WDTC1: variants seen among roughly 807,000 people sequenced by gnomAD.
The protein encoded by WDTC1 is WD and tetratricopeptide repeats 1.
A neutral mutation model predicts 76.0 loss-of-function variants in WDTC1; 12 were observed. The ratio of observed to expected loss-of-function variants is 0.16; its 90% confidence interval spans 0.10 to 0.26. The LOEUF is 0.26. Ranked by LOEUF, WDTC1 falls within the 10% of genes least tolerant of loss-of-function variation. The pLI is 1.00. For synonymous variants in WDTC1, 326 were observed against 350.8 expected (o/e 0.93, Z 0.79); for missense variants, 511 against 908.8 (o/e 0.56, Z 5.63).
intron 3 of WDTC1, among the ~76,000 whole-genome samples, chr1:27,268,165 G>A (rs1199783147): frequency 6.6e-6 from 1 of 152,086 alleles, no homozygotes; most frequent in Admixed American, 6.6e-5. Context: ...CACAGGCGAG[G>A]CATGGTGGCT....
chr1:27,294,554 G>A lies in WDTC1; in HGVS notation c.798G>A (p.Leu266=), dbSNP rs935330392. The change falls in exon 9 of 16, where the codon TTG becomes TTA. Residue 266 remains leucine, a synonymous_variant. Coordinates refer to ENST00000319394, the MANE Select transcript of WDTC1 (RefSeq NM_001276252.2). ...AGCTTCCTGACTACAACAACCGTTTGAGAGTGCTGGTTGCCACCTATGTGA... is the reference window on the plus strand; with the variant it reads ...AGCTTCCTGACTACAACAACCGTTTAAGAGTGCTGGTTGCCACCTATGTGA... The part of the protein sequence containing the change: ...PVKLPDYNNR[L]RVLVATYVTF... 5.6e-6 allele frequency: 9 copies of A among 1,614,086 alleles called. No individual in the cohort carries two copies. The highest frequency in any genetic ancestry group is 1.7e-5 in the Admixed American group (1 of 60,018).
At position 27,294,130 on chromosome 1, in the gene WDTC1, C is replaced by T. The variant is rs1216104923; in HGVS notation, c.757+14C>T. The stretch of plus-strand genomic sequence containing the variant: ...ATTACGTAGCAGGTAGCGCTCAGCA[C>T]AGCTCTGGCCCCAAACTCTCGGCTA... On this transcript the variant is annotated intron_variant, in intron 8 of 15. Coordinates refer to ENST00000319394, the MANE Select transcript of WDTC1 (RefSeq NM_001276252.2). 4.3e-6 allele frequency: 7 copies of T among 1,611,518 alleles called. No individual in the cohort carries two copies. In the South Asian group the frequency reaches 5.5e-5, roughly 13 times the overall value.
At position 27,282,475 on chromosome 1, in the gene WDTC1, T is replaced by C. The variant is rs184805379; in HGVS notation, c.179+190T>C. Among the ~76,000 whole-genome samples the C allele has an allele frequency of 1.6e-3, 249 of 152,278 alleles. 1 individual carries two copies. The highest frequency in any genetic ancestry group is 5.5e-3 in the African/African-American group (227 of 41,566). On this transcript the variant is annotated intron_variant, in intron 4 of 15. Transcript: ENST00000319394. ...AAACAATCTCAGATAGATGGAAAGT[T>C]GGATGACCATCCAAACCCTGTTTTG...
At chr1:27,276,061 C>CTT (rs1233854172) in intron 3 of WDTC1, among the ~76,000 whole-genome samples, 1 of 152,182 alleles carries the variant, frequency 6.6e-6, no homozygotes, top group African/African-American at 2.4e-5. Context: ...CTGTACTTCT[C>CTT]TTTTTTGCGG....
intron 5 of WDTC1, among the ~76,000 whole-genome samples, chr1:27,287,401 G>A (rs1233913464): frequency 6.6e-6 from 1 of 151,886 alleles, no homozygotes; most frequent in South Asian, 2.1e-4. Flanking sequence ...AGACAGTCTC[G>A]CTCTGTTGCC....
At chr1:27,282,119 A>C (rs1446397165) in intron 3 of WDTC1, 120 bp from the exon 4 acceptor site, 2 of 948,014 alleles carry the variant, frequency 2.1e-6, no homozygotes, top group East Asian at 5.0e-5. Flanking sequence ...ACTCACATGC[A>C]CTTGGAAAAT....
chr1:27,297,296 T>A, intron 11 of WDTC1, 140 bp downstream of exon 11: 1 of 743,494 alleles, frequency 1.3e-6, no homozygotes. Context: ...GCAAAGAGCC[T>A]TCTTGGAGGG....
At chr1:27,266,424 T>C (rs2147938941) in intron 3 of WDTC1, among the ~76,000 whole-genome samples, 1 of 152,314 alleles carries the variant, frequency 6.6e-6, no homozygotes, top group South Asian at 2.1e-4. Flanking sequence ...CTATAAGCAA[T>C]ATGAACTTGG....
At chr1:27,297,190 C>T in intron 11 of WDTC1, 34 bp downstream of exon 11, 2 of 1,543,964 alleles carry the variant, frequency 1.3e-6, no homozygotes, top group Non-Finnish European at 8.8e-7. Flanking sequence ...CCCTCCAAGC[C>T]CCAGTTACAC....
chr1:27,257,105 G>T (rs559542342), intron 1 of WDTC1, among the ~76,000 whole-genome samples: 1 of 151,976 alleles, frequency 6.6e-6, no homozygotes, highest in South Asian at 2.1e-4. Flanking sequence ...CTCGTGATCC[G>T]CCCACCTCGG....
Position 27,303,606 on chromosome 1 carries a change from G to A in WDTC1, c.1469-15G>A. On this transcript the variant is annotated splice_polypyrimidine_tract_variant and intron_variant, in intron 13 of 15. Transcript: ENST00000319394. The surrounding 1 kb of genome is among the most constrained non-coding windows in gnomAD (Gnocchi z 4.8). ...AGGAACAAGGCGCTTACCTTTTCTGGATCTCTGCCCCCAGAGGAGAAGAAG... is the reference window on the plus strand; with the variant it reads ...AGGAACAAGGCGCTTACCTTTTCTGAATCTCTGCCCCCAGAGGAGAAGAAG... The A allele has an allele frequency of 6.4e-7, 1 of 1,572,178 alleles. No individual in the cohort carries two copies. The highest frequency in any genetic ancestry group is 1.2e-5 in the South Asian group (1 of 85,052).
Position 27,245,125 on chromosome 1 carries a change from G to A in WDTC1, c.-100+10174G>A, listed in dbSNP as rs905417117. ...AGTGCTTCTTCCTCAGTACCATGTA[G>A]TATTCTGCTTCACTTCTCCCTTGTT... On this transcript the variant is annotated intron_variant, in intron 1 of 15. Transcript: ENST00000319394. Among the ~76,000 whole-genome samples, 13 of 151,666 alleles carry A rather than the reference G, an allele frequency of 8.6e-5. 1 individual carries two copies. The highest frequency in any genetic ancestry group is 2.9e-4 in the African/African-American group (12 of 40,992).
At chr1:27,286,534 A>T (rs1362940413) in intron 5 of WDTC1, among the ~76,000 whole-genome samples, 1 of 129,312 alleles carries the variant, frequency 7.7e-6, no homozygotes, top group East Asian at 2.3e-4. Context: ...CAGTGGCGTG[A>T]TCTCAGCTCA....
At chr1:27,279,510 CT>C (rs1459229745) in intron 3 of WDTC1, among the ~76,000 whole-genome samples, 1 of 152,146 alleles carries the variant, frequency 6.6e-6, no homozygotes, top group African/African-American at 2.4e-5. Flanking sequence ...GAGGATTTTT[CT>C]TTCTCCAATA....
intron 10 of WDTC1, 130 bp downstream of exon 10, chr1:27,296,531 C>A: frequency 4.4e-6 from 4 of 911,572 alleles, no homozygotes; most frequent in Admixed American, 2.2e-5. Context: ...CTGAAATAAC[C>A]CCACCTATGC....
intron 1 of WDTC1, among the ~76,000 whole-genome samples, chr1:27,246,313 C>T (rs2011829135): frequency 6.6e-6 from 1 of 152,190 alleles, no homozygotes; most frequent in African/African-American, 2.4e-5. Flanking sequence ...ATAAATAGAA[C>T]CATACGACAT....
chr1:27,256,494 G>A (rs115476079), intron 1 of WDTC1, among the ~76,000 whole-genome samples: 1,927 of 152,262 alleles, frequency 0.013, 23 homozygotes, highest in East Asian at 0.024. Context: ...TATAAGAAGC[G>A]TTCAAATGCT....
chr1:27,302,828 T>C (rs1166495503), intron 13 of WDTC1, among the ~76,000 whole-genome samples: 2 of 152,206 alleles, frequency 1.3e-5, no homozygotes. Context: ...GAAGCAGGTA[T>C]GAGTGAGTCA....
In WDTC1 at chr1:27,306,256, A is replaced by G; in HGVS notation, c.1907A>G (p.Asn636Ser). Residue 636 changes from asparagine to serine, a missense_variant, in exon 16 of 16, where the codon AAT becomes AGT. Physicochemically the swap from Asn to Ser is conservative, Grantham distance 46. Transcript: ENST00000319394. The surrounding 1 kb of genome is among the most constrained non-coding windows in gnomAD (Gnocchi z 5.0). ...GASQANQRRM[N>S]ADPLEVMLLN... The stretch of plus-strand genomic sequence containing the variant: ...TCACAGGCCAACCAGCGGCGCATGA[A>G]TGCAGACCCGTTGGAGGTGATGCTG... 6.2e-7 allele frequency: 1 copy of G among 1,614,140 alleles called. No individual in the cohort carries two copies. Among genetic ancestry groups the G allele is most frequent in the Non-Finnish European group, 8.5e-7 (1 of 1,180,022 alleles).
Sources: gnomAD v4.1 joint callset for allele counts (sites outside exome capture counted in the v4.1 genomes callset) on GRCh38, gnomAD v4.1.1 for gene constraint, Gnocchi (gnomAD v3.1) non-coding constraint, MANE v1.5 for transcripts, NCBI Gene and HGNC (gene_info 2026-07-23, HGNC 2026-07-21) for gene names.